The following RYR2 variants were observed in gnomAD, a reference collection of about 807,000 sequenced individuals.
The protein encoded by RYR2 is cardiac muscle ryanodine receptor-calcium release channel.
Under a neutral mutation model 601.1 loss-of-function variants are expected in RYR2, and 227 were observed. The ratio of observed to expected loss-of-function variants is 0.38; its 90% CI spans 0.34 to 0.42. RYR2 has a LOEUF of 0.42. Ranked by LOEUF, RYR2 falls within the 10% of genes least tolerant of loss-of-function variation. The probability of loss-of-function intolerance (pLI) is 1.00; values close to 1 mark genes in which losing one functional copy is unlikely to be tolerated. For synonymous variants in RYR2, 2,223 were observed against 2,175.1 expected, an observed-to-expected ratio of 1.02 and a Z score of -0.61; for missense variants, 4,646 against 6,156.5, an observed-to-expected ratio of 0.75 and a Z score of 8.21.
chr1:237,569,727 AC>A (rs1672464850), intron 29 of RYR2, among the ~76,000 whole-genome samples: 1 of 152,190 alleles, frequency 6.6e-6, no homozygotes, highest in Non-Finnish European at 1.5e-5. Flanking sequence ...TGCTGAGGTG[AC>A]AAAGATGAAT....
At chr1:237,350,602 A>AATATATATATATATATAT (rs1177777241) in intron 3 of RYR2, among the ~76,000 whole-genome samples, 13 of 37,002 alleles carry the variant, frequency 3.5e-4, no homozygotes, top group East Asian at 1.5e-3. Flanking sequence ...AAAAAAAAAA[A>AATATATATATATATATAT]ATATATATAT....
chr1:237,416,937 G>C (rs1705062861), intron 10 of RYR2, 112 bp from the exon 11 acceptor site: 2 of 840,144 alleles, frequency 2.4e-6, no homozygotes, highest in East Asian at 5.2e-5. Context: ...AACTTTAACT[G>C]TTTACTCACA....
chr1:237,094,614 G>A (rs910561541), intron 1 of RYR2, among the ~76,000 whole-genome samples: 26 of 152,038 alleles, frequency 1.7e-4, no homozygotes, highest in African/African-American at 6.0e-4. Context: ...TCGCTCTGTC[G>A]CCCAGGCTGG....
At chr1:237,505,390 C>T (rs1665113143) in intron 22 of RYR2, among the ~76,000 whole-genome samples, 1 of 152,144 alleles carries the variant, frequency 6.6e-6, no homozygotes, top group Non-Finnish European at 1.5e-5. Flanking sequence ...ACATTGCTTC[C>T]AAAGTCTGAA....
chr1:237,111,592 A>G (rs1178486177), intron 1 of RYR2, among the ~76,000 whole-genome samples: 3 of 14,678 alleles, frequency 2.0e-4, no homozygotes, highest in Non-Finnish European at 6.4e-4. Flanking sequence ...CGTCTCTTTA[A>G]AAAAAAAAAA....
intron 59 of RYR2, 139 bp from the exon 60 acceptor site, chr1:237,674,592 A>G: frequency 2.2e-6 from 1 of 453,486 alleles, no homozygotes; most frequent in African/African-American, 2.0e-5. Context: ...CTACAATAAC[A>G]TTAGAAAAAC....
chr1:237,569,152 G>A lies in RYR2; in HGVS notation c.3431G>A (p.Arg1144Gln), dbSNP rs193125030. The A allele has an allele frequency of 1.2e-6, 2 of 1,613,248 alleles. No individual in the cohort carries two copies. Among genetic ancestry groups the A allele is most frequent in the South Asian group, 1.1e-5 (1 of 91,026 alleles). The change falls in exon 29 of 105, where the codon CGG (arginine) becomes CAG (glutamine). Residue 1144 changes from arginine to glutamine, a missense_variant. By Grantham distance (43) the Arg-to-Gln change is conservative. Around this residue, in one of 17 missense-constraint regions of RYR2, gnomAD observed 1,807 missense variants for 2,088.1 expected, o/e 0.87. Transcript: ENST00000366574. ...TTTCTGTCCTCTGTATAGGCCCAGCGGTGGCATCAGGGCAATGAACACTAT... is the reference window on the plus strand; with the variant it reads ...TTTCTGTCCTCTGTATAGGCCCAGCAGTGGCATCAGGGCAATGAACACTAT... Reference protein sequence around the residue: ...AFAFDGFKAQRWHQGNEHYGR... With the variant: ...AFAFDGFKAQQWHQGNEHYGR...
intron 1 of RYR2, among the ~76,000 whole-genome samples, chr1:237,112,998 A>G (rs1669669025): frequency 6.6e-6 from 1 of 152,006 alleles, no homozygotes; most frequent in South Asian, 2.1e-4. Flanking sequence ...GACTCTGTTC[A>G]CATGTACCAG....
chr1:237,647,758 A>G (rs551080146), intron 48 of RYR2, among the ~76,000 whole-genome samples: 4 of 152,200 alleles, frequency 2.6e-5, no homozygotes, highest in Non-Finnish European at 5.9e-5. Context: ...CAGGAAGTAA[A>G]TAAATTCTTC....
intron 14 of RYR2, among the ~76,000 whole-genome samples, chr1:237,445,941 C>T (rs187028973): frequency 9.2e-5 from 14 of 152,156 alleles, no homozygotes; most frequent in Admixed American, 6.5e-4. Context: ...CTCAGCCTCC[C>T]GAGTAGCTAG....
intron 23 of RYR2, among the ~76,000 whole-genome samples, chr1:237,508,862 C>T (rs1014238974): frequency 6.8e-6 from 1 of 147,918 alleles, no homozygotes; most frequent in African/African-American, 2.5e-5. Context: ...CCTGCCTCAG[C>T]CTCCCGAGTA....
At chr1:237,083,727 A>T (rs1443530984) in intron 1 of RYR2, among the ~76,000 whole-genome samples, 1 of 152,178 alleles carries the variant, frequency 6.6e-6, no homozygotes. Context: ...TAGACACAGC[A>T]GTGGTTTATT....
At chr1:237,307,217 T>C (rs1316908885) in intron 2 of RYR2, among the ~76,000 whole-genome samples, 1 of 152,204 alleles carries the variant, frequency 6.6e-6, no homozygotes, top group Non-Finnish European at 1.5e-5. Flanking sequence ...GTTTTTTCAC[T>C]TGCTCTTTAC....
chr1:237,801,886 G>T lies in RYR2; in HGVS notation c.14121G>T (p.Met4707Ile). ...VLNSIDVKYQ[M>I]WKLGVVFTDN... ...ACTCCATTGATGTGAAGTATCAGATGTGGAAACTAGGAGTCGTTTTCACTG... is the reference window on the plus strand; with the variant it reads ...ACTCCATTGATGTGAAGTATCAGATTTGGAAACTAGGAGTCGTTTTCACTG... Residue 4707 changes from methionine to isoleucine, a missense_variant, in exon 98 of 105, where the codon ATG becomes ATT. By Grantham distance (10) the Met-to-Ile change is conservative (BLOSUM62 1). Coordinates refer to ENST00000366574, the MANE Select transcript of RYR2 (RefSeq NM_001035.3). 1 of 1,600,494 alleles carries T rather than the reference G, an allele frequency of 6.2e-7. No individual in the cohort carries two copies. Among genetic ancestry groups the T allele is most frequent in the South Asian group, 1.1e-5 (1 of 90,268 alleles).
chr1:237,572,188 T>C (rs1672772088), intron 29 of RYR2, among the ~76,000 whole-genome samples: 1 of 152,152 alleles, frequency 6.6e-6, no homozygotes, highest in Non-Finnish European at 1.5e-5. Context: ...AGTGGGAAGG[T>C]AGGAGGAAGG....
At chr1:237,653,949 T>C (rs1038770603) in intron 51 of RYR2, among the ~76,000 whole-genome samples, 5 of 152,184 alleles carry the variant, frequency 3.3e-5, no homozygotes, top group Non-Finnish European at 7.3e-5. Flanking sequence ...TGGCAGCTGA[T>C]TAGATGGTGC....
intron 56 of RYR2, among the ~76,000 whole-genome samples, chr1:237,662,531 A>T (rs1370213858): frequency 1.3e-5 from 2 of 152,246 alleles, no homozygotes; most frequent in East Asian, 3.9e-4. Context: ...AGAAATAAGA[A>T]ATTACTACAA....
chr1:237,444,806 A>T (rs749164891), intron 13 of RYR2, among the ~76,000 whole-genome samples: 7 of 152,218 alleles, frequency 4.6e-5, no homozygotes, highest in Non-Finnish European at 7.3e-5. Context: ...AAAACAAAAA[A>T]CTATCAAAAG....
Position 237,388,165 on chromosome 1 carries a change from A to G in RYR2, c.755A>G (p.His252Arg), listed in dbSNP as rs2149848141. The change falls in exon 10 of 105, where the codon CAT (histidine) becomes CGT (arginine). Residue 252 changes from histidine to arginine, a missense_variant. This residue lies in a region of RYR2 where 87 missense variants were observed against 144.7 expected (regional missense o/e 0.60). Coordinates refer to ENST00000366574, the MANE Select transcript of RYR2 (RefSeq NM_001035.3). ...TGTCTCACTGTCCCTTCAGGAGAACATGGTGAAGAGCAGCGGAGGTTAGTA... is the reference window on the plus strand; with the variant it reads ...TGTCTCACTGTCCCTTCAGGAGAACGTGGTGAAGAGCAGCGGAGGTTAGTA... Reference protein sequence around the residue: ...DECLTVPSGEHGEEQRRTVHY... With the variant: ...DECLTVPSGERGEEQRRTVHY... The G allele has an allele frequency of 1.9e-6, 3 of 1,613,874 alleles. No homozygotes were observed. The highest frequency in any genetic ancestry group is 2.5e-6 in the Non-Finnish European group (3 of 1,179,868).
Sources: gnomAD v4.1 joint callset for allele counts (sites outside exome capture counted in the v4.1 genomes callset) on GRCh38, gnomAD v4.1.1 for gene constraint, gnomAD v4.1.1 regional missense constraint, MANE v1.5 for transcripts, NCBI Gene and HGNC (gene_info 2026-07-23, HGNC 2026-07-21) for gene names.